Variants in UBE2D4 observed in about 807,000 individuals in gnomAD.
UBE2D4 encodes the protein ubiquitin-conjugating enzyme E2 D4.
In UBE2D4, 17 loss-of-function variants were observed where a neutral mutation model predicts 23.0. The ratio of observed to expected loss-of-function variants is 0.74; its 90% CI spans 0.51 to 1.11. UBE2D4 has a LOEUF of 1.11. UBE2D4 is among the 50% of genes least tolerant of loss of function. The pLI, the probability that UBE2D4 is intolerant of heterozygous loss-of-function variation, is 0.00. For missense variants in UBE2D4, 139 were observed against 181.8 expected (o/e 0.76, Z 1.35); for synonymous variants, 61 against 69.4 (o/e 0.88, Z 0.60).
At chr7:43,930,184 A>G (rs1392122088) in intron 1 of UBE2D4, among the ~76,000 whole-genome samples, 1 of 152,122 alleles carries the variant, frequency 6.6e-6, no homozygotes, top group Non-Finnish European at 1.5e-5. Context: ...TCCGAAACCA[A>G]TGAGTGGCAA....
rs75954293 is a variant in UBE2D4, at chr7:43,937,071, A to T, written c.25-1360A>T. Among the ~76,000 whole-genome samples, 44 of 152,318 alleles carry T rather than the reference A, an allele frequency of 2.9e-4. 2 individuals carry two copies. The East Asian group carries it at 8.1e-3, about 28-fold the overall frequency. Reference sequence around the variant, plus strand: ...TCAGGGATCATTAAGTGCTGGTGTAACTGTTCATCACACCTCTAAAGGGGG... The same window carrying T: ...TCAGGGATCATTAAGTGCTGGTGTATCTGTTCATCACACCTCTAAAGGGGG... On this transcript the variant is annotated intron_variant, in intron 1 of 6. Transcript: ENST00000222402.
chr7:43,942,132 A>T (rs1253011407), intron 2 of UBE2D4: 1 of 153,616 alleles, frequency 6.5e-6, no homozygotes, highest in Non-Finnish European at 1.4e-5. Flanking sequence ...GCAAGACCCC[A>T]TCTCTACAAA....
chr7:43,933,013 T>TATATATATATATATATACACAC (rs1340458201), intron 1 of UBE2D4, among the ~76,000 whole-genome samples: 4 of 116,648 alleles, frequency 3.4e-5, no homozygotes, highest in African/African-American at 1.4e-4. Flanking sequence ...TATATATATA[T>TATATATATATATATATACACAC]ACACACACAT....
At chr7:43,945,612 A>G (rs1186181842) in intron 4 of UBE2D4, among the ~76,000 whole-genome samples, 2 of 152,132 alleles carry the variant, frequency 1.3e-5, no homozygotes, top group Non-Finnish European at 2.9e-5. Context: ...TCACATGCAC[A>G]CAACTCTCTT....
At chr7:43,927,245 T>A (rs938944056) in intron 1 of UBE2D4, among the ~76,000 whole-genome samples, 1 of 152,164 alleles carries the variant, frequency 6.6e-6, no homozygotes, top group African/African-American at 2.4e-5. Flanking sequence ...CATTTTGTAT[T>A]CCACTTATTC....
At chr7:43,951,323 C>T (rs972474452) in intron 6 of UBE2D4, among the ~76,000 whole-genome samples, 5 of 152,188 alleles carry the variant, frequency 3.3e-5, no homozygotes, top group African/African-American at 1.2e-4. Context: ...AAGGAGTCAT[C>T]GCCAAGTGTT....
At chr7:43,940,103 G>C (rs1450550553) in intron 2 of UBE2D4, among the ~76,000 whole-genome samples, 1 of 152,222 alleles carries the variant, frequency 6.6e-6, no homozygotes, top group Non-Finnish European at 1.5e-5. Flanking sequence ...GCATGTCCTG[G>C]GAGGGGACTG....
intron 2 of UBE2D4, 122 bp from the exon 3 acceptor site, chr7:43,942,704 T>G: frequency 2.2e-6 from 3 of 1,388,516 alleles, no homozygotes; most frequent in African/African-American, 1.4e-5. Context: ...AGTCTTGCAG[T>G]TGGTGTCAGA....
chr7:43,932,267 G>A (rs971292148), intron 1 of UBE2D4, among the ~76,000 whole-genome samples: 6 of 151,796 alleles, frequency 4.0e-5, no homozygotes, highest in African/African-American at 1.2e-4. Context: ...GGGATTACAG[G>A]CACAAAGTGA....
chr7:43,942,701 C>G, intron 2 of UBE2D4, 125 bp from the exon 3 acceptor site: 1 of 1,362,834 alleles, frequency 7.3e-7, no homozygotes, highest in Non-Finnish European at 1.0e-6. Flanking sequence ...CCCAGTCTTG[C>G]AGTTGGTGTC....
At chr7:43,928,188 C>T (rs369062042) in intron 1 of UBE2D4, 2 of 310,860 alleles carry the variant, frequency 6.4e-6, no homozygotes, top group South Asian at 4.7e-5. Flanking sequence ...TGAGCACTCA[C>T]TTATTATTGT....
chr7:43,949,568 C>G (rs1026377093), intron 5 of UBE2D4, among the ~76,000 whole-genome samples: 3 of 152,210 alleles, frequency 2.0e-5, no homozygotes, highest in African/African-American at 7.2e-5. Flanking sequence ...TCATTTGTAG[C>G]TTTATGTGTG....
chr7:43,932,302 A>G (rs552126707), intron 1 of UBE2D4, among the ~76,000 whole-genome samples: 6 of 152,104 alleles, frequency 3.9e-5, no homozygotes, highest in Non-Finnish European at 7.4e-5. Context: ...CCCATGACAT[A>G]CTTTGAAACA....
Position 43,944,571 on chromosome 7 carries a change from A to C in UBE2D4, c.198+1540A>C, listed in dbSNP as rs2132782845. On this transcript the variant is annotated intron_variant, in intron 4 of 6. Transcript: ENST00000222402. This position sits in a 1 kb window ranked among gnomAD's most constrained non-coding sequence, Gnocchi z 4.0. Reference sequence around the variant, plus strand: ...TCACCAGCTGCAGCTCTGTCCAGACATCGCCACCAGAGGCTACCTGGTGCC... The same window carrying C: ...TCACCAGCTGCAGCTCTGTCCAGACCTCGCCACCAGAGGCTACCTGGTGCC... 6.6e-6 allele frequency: 1 copy of C among 152,378 alleles called. No homozygotes were observed. Among genetic ancestry groups the C allele is most frequent in the East Asian group, 1.9e-4 (1 of 5,182 alleles). The allele number at this position is 152,378 out of a possible 1,614,324, so 9.4% of individuals were successfully genotyped here. A position where few individuals can be genotyped will look rare whatever the true frequency, so the allele number is the denominator to read the frequency against.
intron 1 of UBE2D4, among the ~76,000 whole-genome samples, chr7:43,930,365 C>A (rs897259120): frequency 6.6e-6 from 1 of 152,162 alleles, no homozygotes; most frequent in African/African-American, 2.4e-5. Flanking sequence ...CAATCCACAG[C>A]CCTTTCTAAC....
Position 43,954,116 on chromosome 7 carries a change from A to G in UBE2D4, c.*1421A>G, listed in dbSNP as rs887268050. 3 of 152,104 alleles carry G rather than the reference A, an allele frequency of 2.0e-5. No individual in the cohort carries two copies. Among genetic ancestry groups the G allele is most frequent in the Non-Finnish European group, 4.4e-5 (3 of 68,004 alleles). 9.4% of individuals were successfully genotyped at this position (152,104 alleles called of 1,614,324 possible). A position where few individuals can be genotyped will look rare whatever the true frequency, so the allele number is the denominator to read the frequency against. ...GAATACTGAGGTTATTCACATAATCACTTCCTTAACAAAGGAAGAAGCACT... is the reference window on the plus strand; with the variant it reads ...GAATACTGAGGTTATTCACATAATCGCTTCCTTAACAAAGGAAGAAGCACT... On this transcript the variant is annotated 3_prime_UTR_variant, in exon 7 of 7. Coordinates refer to ENST00000222402, the MANE Select transcript of UBE2D4 (RefSeq NM_015983.4).
intron 2 of UBE2D4, chr7:43,941,684 G>T (rs192950507): frequency 3.3e-5 from 5 of 152,288 alleles, no homozygotes; most frequent in African/African-American, 1.2e-4. Flanking sequence ...GGAATAGAAG[G>T]GTTTATAAAG....
chr7:43,932,208 C>G (rs1328496748), intron 1 of UBE2D4, among the ~76,000 whole-genome samples: 1 of 150,788 alleles, frequency 6.6e-6, no homozygotes, highest in Non-Finnish European at 1.5e-5. Flanking sequence ...CCAGGATGGT[C>G]TCGATCTCCT....
chr7:43,954,054 G>A lies in UBE2D4; in HGVS notation c.*1359G>A, dbSNP rs1044038546. ...GATTTCTTCCAGAAACTTCCAAGTT[G>A]TGGCTACAAATTTATTGCCAGATAT... On this transcript the variant is annotated 3_prime_UTR_variant, in exon 7 of 7. Coordinates refer to ENST00000222402, the MANE Select transcript of UBE2D4 (RefSeq NM_015983.4). 6 of 152,196 alleles carry A rather than the reference G, an allele frequency of 3.9e-5. No homozygotes were observed. Among genetic ancestry groups the A allele is most frequent in the African/African-American group, 1.4e-4 (6 of 41,448 alleles). The allele number at this position is 152,196 out of a possible 1,614,324, so 9.4% of individuals were successfully genotyped here.
Sources: gnomAD v4.1 joint callset for allele counts (sites outside exome capture counted in the v4.1 genomes callset) on GRCh38, gnomAD v4.1.1 for gene constraint, Gnocchi (gnomAD v3.1) non-coding constraint, MANE v1.5 for transcripts, NCBI Gene and HGNC (gene_info 2026-07-23, HGNC 2026-07-21) for gene names.